Variants in XKR6 observed in about 807,000 individuals in gnomAD.
The protein encoded by XKR6 is XK related 6.
XKR6 carries 22 observed loss-of-function variants against 56.7 expected under a neutral mutation model. That is an observed-to-expected ratio of 0.39 (90% CI 0.28 to 0.55). The LOEUF is 0.55. Ranked by LOEUF, XKR6 falls within the 20% of genes least tolerant of loss-of-function variation. XKR6 has a pLI of 0.66. For synonymous variants in XKR6, 524 were observed against 387.8 expected (o/e 1.35, Z -4.13); for missense variants, 852 against 889.0 (o/e 0.96, Z 0.53).
intron 1 of XKR6, among the ~76,000 whole-genome samples, chr8:11,185,275 G>T (rs1803213576): frequency 1.3e-5 from 2 of 152,164 alleles, no homozygotes; most frequent in Non-Finnish European, 2.9e-5. Context: ...TATAGGTATG[G>T]CTCACATTTA....
chr8:11,169,510 T>C (rs553772378), intron 1 of XKR6, among the ~76,000 whole-genome samples: 6 of 152,348 alleles, frequency 3.9e-5, no homozygotes, highest in African/African-American at 1.4e-4. Flanking sequence ...GAAAACATTA[T>C]GCTAAGTTAA....
At chr8:11,112,847 G>C (rs1238225461) in intron 1 of XKR6, among the ~76,000 whole-genome samples, 1 of 152,102 alleles carries the variant, frequency 6.6e-6, no homozygotes, top group Non-Finnish European at 1.5e-5. Context: ...TATCATTACA[G>C]AAAGCCACAT....
At chr8:11,161,948 A>C (rs1240367960) in intron 1 of XKR6, among the ~76,000 whole-genome samples, 1 of 152,140 alleles carries the variant, frequency 6.6e-6, no homozygotes, top group African/African-American at 2.4e-5. Flanking sequence ...ACTGAGCAAA[A>C]TGAGAAAGAA....
intron 1 of XKR6, among the ~76,000 whole-genome samples, chr8:10,959,639 C>T (rs923145417): frequency 3.3e-5 from 5 of 152,138 alleles, no homozygotes; most frequent in African/African-American, 7.2e-5. Context: ...TGAGGCCCCA[C>T]CTTCATGACC....
Position 10,897,945 on chromosome 8 carries a change from G to C in XKR6, c.*7C>G, listed in dbSNP as rs767278856. 5 of 1,544,316 alleles carry C rather than the reference G, an allele frequency of 3.2e-6. No homozygotes were observed. The East Asian group carries it at 1.1e-4, about 35-fold the overall frequency. ...AAGGTCCCCTTCTCAACTTGGTCAAGATGCTCTTAGAGTGAAGACTCATAC... is the reference window on the plus strand; with the variant it reads ...AAGGTCCCCTTCTCAACTTGGTCAACATGCTCTTAGAGTGAAGACTCATAC... On this transcript the variant is annotated 3_prime_UTR_variant, in exon 3 of 3. Transcript: ENST00000416569.
intron 1 of XKR6, among the ~76,000 whole-genome samples, chr8:11,151,719 A>C (rs896016353): frequency 2.0e-5 from 3 of 151,466 alleles, no homozygotes; most frequent in Non-Finnish European, 2.9e-5. Context: ...TAATTTTCTC[A>C]AGCTTGTTCA....
intron 1 of XKR6, among the ~76,000 whole-genome samples, chr8:11,021,109 C>T (rs748066422): frequency 3.1e-4 from 47 of 152,070 alleles, no homozygotes; most frequent in Non-Finnish European, 5.7e-4. Context: ...AGATTTTAAA[C>T]CATCTCCATA....
chr8:10,903,035 T>A (rs745992384), intron 2 of XKR6, among the ~76,000 whole-genome samples: 1 of 152,128 alleles, frequency 6.6e-6, no homozygotes, highest in African/African-American at 2.4e-5. Context: ...AGGACCCCGT[T>A]TGGGAACAGG....
At chr8:11,075,002 G>A (rs1800234085) in intron 1 of XKR6, among the ~76,000 whole-genome samples, 1 of 152,184 alleles carries the variant, frequency 6.6e-6, no homozygotes, top group African/African-American at 2.4e-5. Flanking sequence ...AGAGCCTGGG[G>A]AGAGGAGAGG....
chr8:11,052,004 C>T (rs916262399), intron 1 of XKR6, among the ~76,000 whole-genome samples: 2 of 152,108 alleles, frequency 1.3e-5, no homozygotes, highest in African/African-American at 2.4e-5. Context: ...GTTGATTCGT[C>T]CTCTAAGTTC....
chr8:10,912,910 C>T (rs1055918509), intron 2 of XKR6, among the ~76,000 whole-genome samples: 10 of 147,848 alleles, frequency 6.8e-5, no homozygotes, highest in African/African-American at 1.5e-4. Context: ...AAAGAGAGGG[C>T]GAGTATATCT....
At chr8:11,067,201 G>T (rs1800003685) in intron 1 of XKR6, 1 of 152,402 alleles carries the variant, frequency 6.6e-6, no homozygotes, top group African/African-American at 2.4e-5. Flanking sequence ...TGAGGAGGAG[G>T]AGGCGGCTCT....
At chr8:10,920,156 G>A in intron 2 of XKR6, among the ~76,000 whole-genome samples, 2 of 152,182 alleles carry the variant, frequency 1.3e-5, no homozygotes, top group South Asian at 4.2e-4. Context: ...TAGCCCTAAT[G>A]GTATACAGTG....
rs530123532 is a variant in XKR6 at position 11,200,453 on chromosome 8, G to C, written c.764+123C>G. On this transcript the variant is annotated intron_variant, in intron 1 of 2. Transcript: ENST00000416569. This position sits in a 1 kb window ranked among gnomAD's most constrained non-coding sequence, Gnocchi z 6.4. ...CTTTTGGAGACGCCAGGGGCGGCGC[G>C]CGGCCGGTCCCTCCTTCGAGCCCCC... The C allele has an allele frequency of 6.5e-6, 8 of 1,234,044 alleles. No individual in the cohort carries two copies. The East Asian group carries it at 2.5e-4, about 39-fold the overall frequency. 76.4% of individuals were successfully genotyped at this position (1,234,044 alleles called of 1,614,324 possible).
At chr8:11,182,179 T>C (rs1803021942) in intron 1 of XKR6, among the ~76,000 whole-genome samples, 1 of 152,232 alleles carries the variant, frequency 6.6e-6, no homozygotes, top group African/African-American at 2.4e-5. Flanking sequence ...GGCTAGGGAC[T>C]TGGGCTCCAA....
chr8:11,126,098 TC>T (rs1288990889), intron 1 of XKR6: 1 of 152,378 alleles, frequency 6.6e-6, no homozygotes, highest in African/African-American at 2.4e-5. Context: ...AGACAGAGTC[TC>T]CCTCTGTCGC....
chr8:10,989,161 C>A (rs903894325), intron 1 of XKR6, among the ~76,000 whole-genome samples: 2 of 152,190 alleles, frequency 1.3e-5, no homozygotes, highest in Non-Finnish European at 2.9e-5. Context: ...CTGGGTGATG[C>A]CTCACAGGGG....
chr8:10,945,385 G>A (rs1801504636), intron 1 of XKR6, among the ~76,000 whole-genome samples: 1 of 152,184 alleles, frequency 6.6e-6, no homozygotes. Context: ...CTGGGTGGTT[G>A]AGGCAGGATA....
chr8:11,174,192 A>C (rs923598177), intron 1 of XKR6, among the ~76,000 whole-genome samples: 1 of 152,268 alleles, frequency 6.6e-6, no homozygotes, highest in Non-Finnish European at 1.5e-5. Flanking sequence ...CCTCTCAGTG[A>C]ATGAAAATGA....
Sources: gnomAD v4.1 joint callset for allele counts (sites outside exome capture counted in the v4.1 genomes callset) on GRCh38, gnomAD v4.1.1 for gene constraint, Gnocchi (gnomAD v3.1) non-coding constraint, MANE v1.5 for transcripts, NCBI Gene and HGNC (gene_info 2026-07-23, HGNC 2026-07-21) for gene names.